SLC24A3: variants seen among roughly 807,000 people sequenced by gnomAD.
SLC24A3 encodes the protein solute carrier family 24 member 3.
In SLC24A3, 28 loss-of-function variants were observed where a neutral mutation model predicts 75.8. The observed-to-expected ratio is 0.37, with a 90% CI of 0.27 to 0.51. The LOEUF is 0.51. SLC24A3 is among the 20% of genes least tolerant of loss of function. The pLI, the probability that SLC24A3 is intolerant of heterozygous loss-of-function variation, is 0.94. For synonymous variants in SLC24A3, 372 were observed against 334.1 expected (o/e 1.11, Z -1.24); for missense variants, 663 against 847.8 (o/e 0.78, Z 2.71).
At chr20:19,544,795 T>C (rs141854852) in intron 3 of SLC24A3, among the ~76,000 whole-genome samples, 1 of 152,226 alleles carries the variant, frequency 6.6e-6, no homozygotes, top group Admixed American at 6.5e-5. Flanking sequence ...ACAACCCAGA[T>C]GGGACAGAAA....
At chr20:19,391,544 A>G (rs1160198486) in intron 2 of SLC24A3, among the ~76,000 whole-genome samples, 1 of 152,146 alleles carries the variant, frequency 6.6e-6, no homozygotes, top group Admixed American at 6.5e-5. Context: ...TGGGAATGCA[A>G]ATTCTCAGGG....
chr20:19,273,737 C>G (rs1983397435), intron 1 of SLC24A3, among the ~76,000 whole-genome samples: 1 of 151,990 alleles, frequency 6.6e-6, no homozygotes. Flanking sequence ...GATCTCCAAG[C>G]CACAGGAGGC....
chr20:19,423,344 C>T (rs1986948879), intron 2 of SLC24A3, among the ~76,000 whole-genome samples: 1 of 152,164 alleles, frequency 6.6e-6, no homozygotes, highest in South Asian at 2.1e-4. Context: ...ATCCTAGCAG[C>T]AGGGTGAGTG....
At chr20:19,459,476 G>A (rs1987634621) in intron 2 of SLC24A3, among the ~76,000 whole-genome samples, 1 of 152,146 alleles carries the variant, frequency 6.6e-6, no homozygotes, top group African/African-American at 2.4e-5. Flanking sequence ...ACTTGGACAT[G>A]TGCCTGACAC....
chr20:19,526,018 C>T (rs1226161739), intron 3 of SLC24A3, among the ~76,000 whole-genome samples: 2 of 152,170 alleles, frequency 1.3e-5, no homozygotes, highest in African/African-American at 4.8e-5. Context: ...TGCCTCTCAT[C>T]CAGCTACCCA....
chr20:19,215,517 T>C (rs1018967297), intron 1 of SLC24A3, among the ~76,000 whole-genome samples: 4 of 152,178 alleles, frequency 2.6e-5, no homozygotes, highest in African/African-American at 9.7e-5. Context: ...CATGCAGTGA[T>C]TGTTAAATGT....
chr20:19,625,160 T>C (rs1264271624), intron 6 of SLC24A3, among the ~76,000 whole-genome samples: 2 of 152,180 alleles, frequency 1.3e-5, no homozygotes, highest in Non-Finnish European at 2.9e-5. Flanking sequence ...TTGCATCCTA[T>C]GAATTAAAGC....
intron 2 of SLC24A3, among the ~76,000 whole-genome samples, chr20:19,283,822 G>T (rs897161759): frequency 6.6e-6 from 1 of 152,210 alleles, no homozygotes; most frequent in Non-Finnish European, 1.5e-5. Flanking sequence ...TGGCACTGTA[G>T]TAGGAGTGTA....
intron 2 of SLC24A3, among the ~76,000 whole-genome samples, chr20:19,364,716 A>G (rs1387059849): frequency 6.6e-6 from 1 of 152,104 alleles, no homozygotes; most frequent in African/African-American, 2.4e-5. Context: ...TGGTCTCCCA[A>G]CATGCTGGGA....
chr20:19,602,967 T>C (rs1230826244), intron 6 of SLC24A3, among the ~76,000 whole-genome samples: 1 of 152,180 alleles, frequency 6.6e-6, no homozygotes, highest in Non-Finnish European at 1.5e-5. Context: ...CAAGATTGCT[T>C]AGGAAGAGCC....
intron 1 of SLC24A3, among the ~76,000 whole-genome samples, chr20:19,241,890 G>A (rs1191253071): frequency 6.6e-6 from 1 of 152,158 alleles, no homozygotes; most frequent in Non-Finnish European, 1.5e-5. Context: ...TGGGAAAAGG[G>A]TGCTGAGAAA....
At chr20:19,687,771 G>A (rs1233875136) in intron 12 of SLC24A3, among the ~76,000 whole-genome samples, 2 of 152,124 alleles carry the variant, frequency 1.3e-5, no homozygotes, top group African/African-American at 2.4e-5. Context: ...CCCTGGTTCC[G>A]TATTTCTCTC....
rs2031556156 is a variant in SLC24A3, at chr20:19,603,464, C to T, written c.612+17920C>T. Reference sequence around the variant, plus strand: ...TTGCCGGCTCTTGGTGCTCACGTATCAAGTGGGACAATCAGAGAATCAATG... The same window carrying T: ...TTGCCGGCTCTTGGTGCTCACGTATTAAGTGGGACAATCAGAGAATCAATG... On this transcript the variant is annotated intron_variant, in intron 6 of 16. Coordinates refer to ENST00000328041, the MANE Select transcript of SLC24A3 (RefSeq NM_020689.4). Among the ~76,000 whole-genome samples the T allele has an allele frequency of 2.0e-5, 3 of 152,128 alleles. No homozygotes were observed. The South Asian group carries it at 6.2e-4, about 32-fold the overall frequency.
At chr20:19,264,592 G>T (rs1354817608) in intron 1 of SLC24A3, among the ~76,000 whole-genome samples, 1 of 152,070 alleles carries the variant, frequency 6.6e-6, no homozygotes, top group Non-Finnish European at 1.5e-5. Context: ...AGCTGGGCAT[G>T]GTGGCATGCA....
intron 3 of SLC24A3, among the ~76,000 whole-genome samples, chr20:19,537,498 A>G (rs2030420194): frequency 6.6e-6 from 1 of 152,134 alleles, no homozygotes; most frequent in African/African-American, 2.4e-5. Flanking sequence ...AACTAGAAAT[A>G]CCATTTGACC....
intron 2 of SLC24A3, among the ~76,000 whole-genome samples, chr20:19,282,484 C>T (rs1435614405): frequency 6.6e-6 from 1 of 152,234 alleles, no homozygotes; most frequent in Non-Finnish European, 1.5e-5. Context: ...CCAAGTGCCC[C>T]ACTGAGGGAC....
intron 2 of SLC24A3, among the ~76,000 whole-genome samples, chr20:19,436,060 A>G (rs1452092407): frequency 6.6e-6 from 1 of 152,206 alleles, no homozygotes; most frequent in African/African-American, 2.4e-5. Flanking sequence ...TAGTGGAGAT[A>G]ATAATAGCTA....
At chr20:19,240,559 T>A (rs1982300638) in intron 1 of SLC24A3, among the ~76,000 whole-genome samples, 1 of 152,108 alleles carries the variant, frequency 6.6e-6, no homozygotes, top group Non-Finnish European at 1.5e-5. Flanking sequence ...TCATCTCTCT[T>A]GTGAAGGTGG....
chr20:19,531,073 G>C (rs1399842230), intron 3 of SLC24A3, among the ~76,000 whole-genome samples: 2 of 152,354 alleles, frequency 1.3e-5, no homozygotes, highest in East Asian at 3.9e-4. Context: ...GCCTATCCGT[G>C]TGCTGTAGTC....
Sources: gnomAD v4.1 joint callset for allele counts (sites outside exome capture counted in the v4.1 genomes callset) on GRCh38, gnomAD v4.1.1 for gene constraint, MANE v1.5 for transcripts, NCBI Gene and HGNC (gene_info 2026-07-23, HGNC 2026-07-21) for gene names.